The following TRRAP variants were observed in gnomAD, a reference collection of about 807,000 sequenced individuals.
TRRAP encodes the protein transformation/transcription domain-associated protein.
TRRAP carries 41 observed loss-of-function variants against 438.8 expected under a neutral mutation model. The ratio of observed to expected loss-of-function variants is 0.09; its 90% confidence interval spans 0.07 to 0.12. TRRAP has a LOEUF of 0.12. Ranked by LOEUF, TRRAP falls within the 10% of genes least tolerant of loss-of-function variation. The probability of loss-of-function intolerance (pLI) is 1.00; values close to 1 mark genes in which losing one functional copy is unlikely to be tolerated. For synonymous variants in TRRAP, 1,994 were observed against 1,962.9 expected (o/e 1.02, Z -0.42); for missense variants, 3,122 against 5,055.1 (o/e 0.62, Z 11.60).
intron 58 of TRRAP, among the ~76,000 whole-genome samples, chr7:98,979,235 A>G (rs1262094963): frequency 6.6e-6 from 1 of 152,214 alleles, no homozygotes. Context: ...AGTCATTTAT[A>G]TCAGTAAAAA....
chr7:98,950,788 T>C (rs1232965431), intron 38 of TRRAP, 88 bp from the exon 39 acceptor site: 1 of 1,417,496 alleles, frequency 7.1e-7, no homozygotes, highest in Non-Finnish European at 9.2e-7. Flanking sequence ...GATGGTGTGC[T>C]AAGGCCAAGA....
Position 98,882,140 on chromosome 7 carries a change from T to A in TRRAP, c.150+116T>A. 7.8e-6 allele frequency: 7 copies of A among 901,624 alleles called. No homozygotes were observed. In the South Asian group the frequency reaches 1.3e-4, roughly 16 times the overall value. 55.9% of individuals were successfully genotyped at this position (901,624 alleles called of 1,614,324 possible). A position where few individuals can be genotyped will look rare whatever the true frequency, so the allele number is the denominator to read the frequency against. The stretch of plus-strand genomic sequence containing the variant: ...TCAAAGATCATTGTCTTTGTTCAAG[T>A]AATTTAGTATATTTCGAAACTGAAA... On this transcript the variant is annotated intron_variant, in intron 3 of 72. Coordinates refer to ENST00000456197, the MANE Select transcript of TRRAP (RefSeq NM_001375524.1).
intron 45 of TRRAP, among the ~76,000 whole-genome samples, chr7:98,961,045 TAGTA>T (rs1277111876): frequency 3.3e-5 from 5 of 152,356 alleles, no homozygotes; most frequent in African/African-American, 4.8e-5. Context: ...ATTAATATTT[TAGTA>T]AGTATTTTTA....
intron 7 of TRRAP, among the ~76,000 whole-genome samples, chr7:98,897,415 G>A (rs1290440176): frequency 8.5e-5 from 13 of 152,126 alleles, no homozygotes; most frequent in African/African-American, 2.7e-4. Flanking sequence ...TCATTTATTA[G>A]CCAGGGCAAA....
chr7:98,900,315 G>A (rs1186590438), intron 10 of TRRAP, among the ~76,000 whole-genome samples: 2 of 152,140 alleles, frequency 1.3e-5, no homozygotes, highest in African/African-American at 4.8e-5. Context: ...GCCCTAGTTG[G>A]GGTCTTGCAC....
Position 98,931,743 on chromosome 7 carries a change from T to C in TRRAP, c.3852+78T>C, listed in dbSNP as rs1328397874. ...TTTTTTTAAATTTGAGTTGAGGTGA[T>C]ACTCCGTTTATAATTTTGTGTCTTG... On this transcript the variant is annotated intron_variant, in intron 26 of 72. Transcript: ENST00000456197. 1.9e-6 allele frequency: 3 copies of C among 1,551,670 alleles called. No individual in the cohort carries two copies. In the African/African-American group the frequency reaches 4.1e-5, roughly 21 times the overall value.
In TRRAP at chr7:98,984,931, T is replaced by C; in HGVS notation, c.9289-13T>C. 6.3e-7 allele frequency: 1 copy of C among 1,575,346 alleles called. No homozygotes were observed. Among genetic ancestry groups the C allele is most frequent in the Non-Finnish European group, 8.6e-7 (1 of 1,158,610 alleles). On this transcript the variant is annotated splice_polypyrimidine_tract_variant and intron_variant, in intron 61 of 72. Coordinates refer to ENST00000456197, the MANE Select transcript of TRRAP (RefSeq NM_001375524.1). ...TTTCAAGAACTTTTTTTCTGCTCAT[T>C]TTTTTTGAACAGGGCCTTGAAGTTA...
intron 23 of TRRAP, among the ~76,000 whole-genome samples, chr7:98,927,977 G>T (rs145106704): frequency 1.6e-4 from 24 of 152,258 alleles, no homozygotes; most frequent in Admixed American, 2.6e-4. Flanking sequence ...GGTGGCTCAC[G>T]CCTATAATCC....
intron 27 of TRRAP, 64 bp downstream of exon 27, chr7:98,933,466 G>A: frequency 1.3e-6 from 2 of 1,548,140 alleles, no homozygotes; most frequent in Non-Finnish European, 1.7e-6. Context: ...GCCTGTCTTT[G>A]TACGCGAAGA....
At chr7:98,909,933 GA>G (rs1796988829) in intron 14 of TRRAP, 122 bp from the exon 15 acceptor site, 2 of 1,438,958 alleles carry the variant, frequency 1.4e-6, no homozygotes, top group South Asian at 3.3e-5. Context: ...CAACCTCATA[GA>G]AAAGCAGCAT....
At chr7:98,896,487 G>A (rs1364862574) in intron 7 of TRRAP, among the ~76,000 whole-genome samples, 4 of 151,964 alleles carry the variant, frequency 2.6e-5, no homozygotes, top group African/African-American at 4.8e-5. Flanking sequence ...TCTGCTCACC[G>A]CAGCCTCCAC....
At chr7:98,953,080 T>A in intron 39 of TRRAP, 87 bp from the exon 40 acceptor site, 3 of 818,692 alleles carry the variant, frequency 3.7e-6, no homozygotes, top group Non-Finnish European at 5.7e-6. Context: ...TGTGTGTGTG[T>A]TTTTAAGGCT....
intron 68 of TRRAP, 100 bp downstream of exon 68, chr7:99,004,515 C>A: frequency 9.8e-7 from 1 of 1,018,666 alleles, no homozygotes; most frequent in South Asian, 1.6e-5. Flanking sequence ...ATTTTGGACA[C>A]AGATTCCCTG....
chr7:98,956,916 C>A lies in TRRAP; in HGVS notation c.6231+383C>A, dbSNP rs1791645109. On this transcript the variant is annotated intron_variant, in intron 43 of 72. Transcript: ENST00000456197. The surrounding 1 kb of genome is among the most constrained non-coding windows in gnomAD (Gnocchi z 4.5). ...ACCAAGAGGGTCCTGGGTATTGCCC[C>A]TTGTGGAGTGGTGGCCCTAGGAGCC... is the stretch of plus-strand genomic sequence containing the variant. Among the ~76,000 whole-genome samples, 2 of 152,008 alleles carry A rather than the reference C, an allele frequency of 1.3e-5. No individual in the cohort carries two copies. Among genetic ancestry groups the A allele is most frequent in the African/African-American group, 4.8e-5 (2 of 41,380 alleles).
At chr7:98,892,595 T>A in intron 5 of TRRAP, 67 bp downstream of exon 5, 1 of 1,339,050 alleles carries the variant, frequency 7.5e-7, no homozygotes, top group Non-Finnish European at 1.0e-6. Flanking sequence ...TTTCTTATGG[T>A]AAATTTCAGC....
chr7:98,995,920 C>T (rs887910596), intron 67 of TRRAP, among the ~76,000 whole-genome samples: 2 of 149,958 alleles, frequency 1.3e-5, no homozygotes, highest in South Asian at 2.1e-4. Flanking sequence ...GTCCCATCCT[C>T]GCATCCCCAT....
At chr7:98,961,622 A>G (rs1243312830) in intron 46 of TRRAP, 148 bp downstream of exon 46, 8 of 998,698 alleles carry the variant, frequency 8.0e-6, no homozygotes, top group East Asian at 2.6e-5. Flanking sequence ...AAAAACTGAC[A>G]TGGAAACATA....
chr7:99,003,433 C>G (rs1055750186), intron 67 of TRRAP, among the ~76,000 whole-genome samples: 1 of 152,176 alleles, frequency 6.6e-6, no homozygotes, highest in African/African-American at 2.4e-5. Flanking sequence ...GACACGAGAC[C>G]TAGGGCTCCG....
rs1791530280 is a variant in TRRAP, at chr7:98,954,996, A to G, written c.5731-102A>G. On this transcript the variant is annotated intron_variant, in intron 40 of 72. Transcript: ENST00000456197. The stretch of plus-strand genomic sequence containing the variant: ...AGAAAGTCCTAAGAAGTTTTTAAAA[A>G]ATTGTTTTGGAAAAGTAGCATGTCT... 8.6e-6 allele frequency: 11 copies of G among 1,280,494 alleles called. No homozygotes were observed. The South Asian group carries it at 1.7e-4, about 19-fold the overall frequency. The allele number at this position is 1,280,494 out of a possible 1,614,324, so 79.3% of individuals were successfully genotyped here. A position where few individuals can be genotyped will look rare whatever the true frequency, so the allele number is the denominator to read the frequency against.
Sources: gnomAD v4.1 joint callset for allele counts (sites outside exome capture counted in the v4.1 genomes callset) on GRCh38, gnomAD v4.1.1 for gene constraint, Gnocchi (gnomAD v3.1) non-coding constraint, MANE v1.5 for transcripts, NCBI Gene and HGNC (gene_info 2026-07-23, HGNC 2026-07-21) for gene names.